The following TRIM67 variants were observed in gnomAD, a reference collection of about 807,000 sequenced individuals.
TRIM67 encodes the protein tripartite motif containing 67.
A neutral mutation model predicts 71.0 loss-of-function variants in TRIM67; 39 were observed. The observed-to-expected ratio is 0.55, with a 90% CI of 0.43 to 0.72. TRIM67 has a LOEUF of 0.72. Ranked by LOEUF, TRIM67 falls within the 30% of genes least tolerant of loss-of-function variation. The probability of loss-of-function intolerance (pLI) is 0.00; values close to 1 mark genes in which losing one functional copy is unlikely to be tolerated. For synonymous variants in TRIM67, 481 were observed against 473.9 expected (o/e 1.01, Z -0.19); for missense variants, 973 against 1,079.2 (o/e 0.90, Z 1.38).
rs573910508 is a variant in TRIM67 at position 231,194,020 on chromosome 1, A to C, written c.1045-3351A>C. Reference sequence around the variant, plus strand: ...AAACCATGACACCACGTGAGGACCTAACCCAGAAGAGGGCCCTCACCCTGA... The same window carrying C: ...AAACCATGACACCACGTGAGGACCTCACCCAGAAGAGGGCCCTCACCCTGA... On this transcript the variant is annotated intron_variant, in intron 1 of 9. Transcript: ENST00000366653. Among the ~76,000 whole-genome samples, 65 of 152,330 alleles carry C rather than the reference A, an allele frequency of 4.3e-4. No individual in the cohort carries two copies. In the South Asian group the frequency reaches 0.012, roughly 29 times the overall value.
chr1:231,197,549 G>A (rs1006886684), intron 2 of TRIM67, 83 bp downstream of exon 2: 120 of 1,321,442 alleles, frequency 9.1e-5, no homozygotes, highest in Admixed American at 5.3e-5. Context: ...AAAGAGGCGG[G>A]GCACGGTGGC....
In TRIM67 at chr1:231,216,527, C is replaced by G. The variant is rs560457798; in HGVS notation, c.*1087C>G. Reference sequence around the variant, plus strand: ...TTTAAAATGGGAGACCCTGGGAAAGCCTGTTCTAGTCAGTCCACCCTATTG... The same window carrying G: ...TTTAAAATGGGAGACCCTGGGAAAGGCTGTTCTAGTCAGTCCACCCTATTG... On this transcript the variant is annotated 3_prime_UTR_variant, in exon 10 of 10. Coordinates refer to ENST00000366653, the MANE Select transcript of TRIM67 (RefSeq NM_001004342.5). 1 of 985,502 alleles carries G rather than the reference C, an allele frequency of 1.0e-6. No individual in the cohort carries two copies. The highest frequency in any genetic ancestry group is 1.1e-4 in the East Asian group (1 of 8,810). The allele number at this position is 985,502 out of a possible 1,614,324, so 61.0% of individuals were successfully genotyped here.
chr1:231,170,140 C>T (rs935009245), intron 1 of TRIM67, among the ~76,000 whole-genome samples: 2 of 152,098 alleles, frequency 1.3e-5, no homozygotes, highest in Non-Finnish European at 2.9e-5. Context: ...GCATGTACCA[C>T]CATGCCCAGC....
chr1:231,202,017 G>A, intron 5 of TRIM67, among the ~76,000 whole-genome samples: 1 of 130,868 alleles, frequency 7.6e-6, no homozygotes, highest in East Asian at 2.2e-4. Flanking sequence ...GGAGGAGGAA[G>A]TGGTGGCAGA....
At position 231,162,072 on chromosome 1, in the gene TRIM67, C is replaced by T. The variant is rs536113201; in HGVS notation, c.-898C>T. On this transcript the variant is annotated 5_prime_UTR_variant, in exon 1 of 10. Coordinates refer to ENST00000366653, the MANE Select transcript of TRIM67 (RefSeq NM_001004342.5). ...CTCTGGAAATTACAACTCCTCGGCGCGCCGCGCGGGGAGGCAGCGGCAGCG... is the reference window on the plus strand; with the variant it reads ...CTCTGGAAATTACAACTCCTCGGCGTGCCGCGCGGGGAGGCAGCGGCAGCG... 6.6e-6 allele frequency: 1 copy of T among 152,288 alleles called. No homozygotes were observed. The highest frequency in any genetic ancestry group is 2.4e-5 in the African/African-American group (1 of 41,578). 9.4% of individuals were successfully genotyped at this position (152,288 alleles called of 1,614,324 possible).
chr1:231,194,094 T>C (rs1461530041), intron 1 of TRIM67, among the ~76,000 whole-genome samples: 13 of 152,198 alleles, frequency 8.5e-5, no homozygotes, highest in African/African-American at 3.1e-4. Context: ...TCCAGAACTC[T>C]GAGAAATCCG....
Position 231,163,521 on chromosome 1 carries a change from C to T in TRIM67, c.552C>T (p.Ala184=), listed in dbSNP as rs1480146364. 1 of 1,516,880 alleles carries T rather than the reference C, an allele frequency of 6.6e-7. No homozygotes were observed. Among genetic ancestry groups the T allele is most frequent in the Non-Finnish European group, 8.8e-7 (1 of 1,138,282 alleles). 94.0% of individuals were successfully genotyped at this position (1,516,880 alleles called of 1,614,324 possible). Residue 184 remains alanine (A), a synonymous_variant, in exon 1 of 10, where the codon GCC becomes GCT. Transcript: ENST00000366653. The part of the protein sequence containing the change: ...RGFQRNRLLE[A]IVQRYQQGRG... ...TCCAGCGCAACCGGCTGCTCGAGGC[C>T]ATCGTGCAGCGGTACCAGCAGGGCC...
intron 1 of TRIM67, among the ~76,000 whole-genome samples, chr1:231,177,564 G>A (rs898228021): frequency 2.6e-5 from 4 of 152,286 alleles, no homozygotes; most frequent in African/African-American, 7.2e-5. Context: ...CTTTCTTCAC[G>A]GAAGTGAGAC....
chr1:231,166,159 A>G (rs960202179), intron 1 of TRIM67, among the ~76,000 whole-genome samples: 6 of 152,238 alleles, frequency 3.9e-5, no homozygotes, highest in African/African-American at 1.4e-4. Context: ...GGCAGTGTAA[A>G]CTGTGGGAAT....
rs1684128354 is a variant in TRIM67, at chr1:231,221,091, A to G, written c.*5651A>G. ...GGGCAAAGCAGAAAACATTCAATGC[A>G]TGATGTAGGATTGCTGCGTTGGCAC... On this transcript the variant is annotated 3_prime_UTR_variant, in exon 10 of 10. Coordinates refer to ENST00000366653, the MANE Select transcript of TRIM67 (RefSeq NM_001004342.5). 6.6e-6 allele frequency: 1 copy of G among 152,252 alleles called. No individual in the cohort carries two copies. Among genetic ancestry groups the G allele is most frequent in the Non-Finnish European group, 1.5e-5 (1 of 68,054 alleles). The allele number at this position is 152,252 out of a possible 1,614,324, so 9.4% of individuals were successfully genotyped here.
In TRIM67 at chr1:231,163,622, C is replaced by A; in HGVS notation, c.653C>A (p.Pro218Gln). 1 of 1,520,278 alleles carries A rather than the reference C, an allele frequency of 6.6e-7. No homozygotes were observed. 94.2% of individuals were successfully genotyped at this position (1,520,278 alleles called of 1,614,324 possible). Residue 218 changes from proline to glutamine, a missense_variant, in exon 1 of 10, where the codon CCA (proline) becomes CAA (glutamine). Transcript: ENST00000366653. ...CTGTGCGACCGCACCCCGCCAGAGC[C>A]AGCAGCCACGCTCTGCGAGCAGTGC... ...CQLCDRTPPE[P>Q]AATLCEQCDV...
At chr1:231,214,727 C>T (rs1411896059) in intron 9 of TRIM67, among the ~76,000 whole-genome samples, 2 of 145,162 alleles carry the variant, frequency 1.4e-5, no homozygotes, top group African/African-American at 5.1e-5. Flanking sequence ...TCCAGTGAGC[C>T]GAGATCGCAC....
intron 8 of TRIM67, among the ~76,000 whole-genome samples, chr1:231,210,393 G>A (rs1270979719): frequency 6.6e-6 from 1 of 151,878 alleles, no homozygotes; most frequent in South Asian, 2.1e-4. Flanking sequence ...CTGGGCCAGG[G>A]ACTTGCCTGA....
At chr1:231,164,552 CA>C (rs1309430032) in intron 1 of TRIM67, among the ~76,000 whole-genome samples, 2 of 152,110 alleles carry the variant, frequency 1.3e-5, no homozygotes, top group Non-Finnish European at 2.9e-5. Context: ...ATCCAAATGC[CA>C]AAGATGAGCA....
rs145071905 is a variant in TRIM67, at chr1:231,205,453, C to T, written c.1681-1199C>T. On this transcript the variant is annotated intron_variant, in intron 6 of 9. Coordinates refer to ENST00000366653, the MANE Select transcript of TRIM67 (RefSeq NM_001004342.5). ...GAAAAGTATCTTTGGGGGCCAGGCA[C>T]GGTGGCTCACACCCGTAATCCCAGC... 5.0e-3 allele frequency among the ~76,000 whole-genome samples: 755 copies of T among 152,222 alleles called. 9 individuals are homozygous for T. Among genetic ancestry groups the T allele is most frequent in the Non-Finnish European group, 6.4e-3 (432 of 68,006 alleles).
chr1:231,187,759 C>T (rs1315115179), intron 1 of TRIM67: 4 of 589,244 alleles, frequency 6.8e-6, no homozygotes, highest in Middle Eastern at 4.6e-4. Flanking sequence ...GGACAGCGGG[C>T]AAGCTCTCTC....
rs564275088 is a variant in TRIM67, at chr1:231,162,868, C to T, written c.-102C>T. The T allele has an allele frequency of 1.1e-5, 16 of 1,469,208 alleles. No homozygotes were observed. In the African/African-American group the frequency reaches 2.0e-4, roughly 18 times the overall value. The allele number at this position is 1,469,208 out of a possible 1,614,324, so 91.0% of individuals were successfully genotyped here. ...GGCATGCCCGTGTGATGCCCCCGCC[C>T]GTCGTCTCACCGGGGCGCACCGCGC... On this transcript the variant is annotated 5_prime_UTR_variant, in exon 1 of 10. Transcript: ENST00000366653.
chr1:231,179,472 A>G (rs967578774), intron 1 of TRIM67, among the ~76,000 whole-genome samples: 3 of 152,236 alleles, frequency 2.0e-5, no homozygotes, highest in Non-Finnish European at 4.4e-5. Flanking sequence ...TGTGGGACAC[A>G]TTTCAGCCTA....
intron 5 of TRIM67, among the ~76,000 whole-genome samples, chr1:231,203,446 C>T (rs189232912): frequency 1.1e-3 from 162 of 152,332 alleles, no homozygotes; most frequent in African/African-American, 3.6e-3. Context: ...GTGGGCCCTG[C>T]GGAGAGGATC....
Sources: gnomAD v4.1 joint callset for allele counts (sites outside exome capture counted in the v4.1 genomes callset) on GRCh38, gnomAD v4.1.1 for gene constraint, MANE v1.5 for transcripts, NCBI Gene and HGNC (gene_info 2026-07-23, HGNC 2026-07-21) for gene names.